The following CHRNA7 variants were observed in gnomAD, a reference collection of about 807,000 sequenced individuals.
CHRNA7 encodes the protein cholinergic receptor nicotinic alpha 7 subunit.
Under a neutral mutation model 48.0 loss-of-function variants are expected in CHRNA7, and 17 were observed. The observed-to-expected ratio is 0.35, with a 90% CI of 0.24 to 0.53. The LOEUF (loss-of-function observed/expected upper bound fraction) is 0.53. Among genes scored for constraint, CHRNA7 ranks in the 20% least tolerant of loss-of-function variants. The pLI is 0.92. For missense variants in CHRNA7, 155 were observed against 577.7 expected, an observed-to-expected ratio of 0.27 and a Z score of 7.50; for synonymous variants, 75 against 242.3, an observed-to-expected ratio of 0.31 and a Z score of 6.41.
chr15:32,153,181 G>A (rs1257440126), intron 4 of CHRNA7, among the ~76,000 whole-genome samples: 4 of 152,258 alleles, frequency 2.6e-5, no homozygotes, highest in Middle Eastern at 6.8e-3. Flanking sequence ...AGCACTTTGG[G>A]AGGCTGAGGC....
intron 2 of CHRNA7, among the ~76,000 whole-genome samples, chr15:32,061,691 C>A (rs193182581): frequency 6.6e-6 from 1 of 152,186 alleles, no homozygotes; most frequent in East Asian, 1.9e-4. Context: ...GCCTGTAGTC[C>A]CAGCTACTGG....
At chr15:32,091,722 G>T (rs2050385289) in intron 2 of CHRNA7, among the ~76,000 whole-genome samples, 1 of 152,096 alleles carries the variant, frequency 6.6e-6, no homozygotes, top group Non-Finnish European at 1.5e-5. Context: ...CATTGTTTAG[G>T]CTCTCTGTGA....
At chr15:32,084,463 C>G (rs984835563) in intron 2 of CHRNA7, among the ~76,000 whole-genome samples, 1 of 152,184 alleles carries the variant, frequency 6.6e-6, no homozygotes, top group Admixed American at 6.5e-5. Context: ...CATACAGTCT[C>G]AGAACATGCA....
At chr15:32,075,616 T>C (rs950376103) in intron 2 of CHRNA7, among the ~76,000 whole-genome samples, 2 of 152,114 alleles carry the variant, frequency 1.3e-5, no homozygotes, top group Non-Finnish European at 2.9e-5. Context: ...GCTAAAGGTT[T>C]TTCAATGTTA....
In CHRNA7 at chr15:32,030,523, G is replaced by A. The variant is rs1186461115; in HGVS notation, c.-72G>A. The A allele has an allele frequency of 1.0e-5, 14 of 1,342,518 alleles. No homozygotes were observed. In the African/African-American group the frequency reaches 2.0e-4, roughly 19 times the overall value. 83.2% of individuals were successfully genotyped at this position (1,342,518 alleles called of 1,614,324 possible). On this transcript the variant is annotated 5_prime_UTR_variant, in exon 1 of 10. Coordinates refer to ENST00000306901, the MANE Select transcript of CHRNA7 (RefSeq NM_000746.6). ...GAGCCGAGCGGCGAGGTGCCTCTGT[G>A]GCCGCAGGCGCAGGCCCGGGCGACA...
intron 2 of CHRNA7, among the ~76,000 whole-genome samples, chr15:32,097,411 G>C (rs532220963): frequency 4.9e-4 from 75 of 152,208 alleles, no homozygotes; most frequent in Non-Finnish European, 8.8e-4. Flanking sequence ...AGTCATGATG[G>C]ATGGTCCCCA....
At chr15:32,134,735 T>A (rs1356045413) in intron 4 of CHRNA7, among the ~76,000 whole-genome samples, 1 of 152,086 alleles carries the variant, frequency 6.6e-6, no homozygotes, top group Non-Finnish European at 1.5e-5. Context: ...TACACTCAAG[T>A]AAGAATTAAA....
intron 2 of CHRNA7, among the ~76,000 whole-genome samples, chr15:32,075,105 A>AT (rs1184490369): frequency 6.6e-6 from 1 of 152,180 alleles, no homozygotes; most frequent in Admixed American, 6.5e-5. Context: ...TTTTGTATAT[A>AT]TTGCTGAATT....
chr15:32,109,330 TTGG>T (rs765597991), intron 3 of CHRNA7, among the ~76,000 whole-genome samples: 1 of 152,166 alleles, frequency 6.6e-6, no homozygotes, highest in Non-Finnish European at 1.5e-5. Flanking sequence ...CATCTTGGTT[TTGG>T]TGGGATTCAG....
At chr15:32,045,388 A>G (rs930526265) in intron 2 of CHRNA7, among the ~76,000 whole-genome samples, 28 of 152,328 alleles carry the variant, frequency 1.8e-4, no homozygotes, top group African/African-American at 5.5e-4. Flanking sequence ...CATGGGTACC[A>G]GCAACCACAC....
At chr15:32,140,091 G>A (rs1469781091) in intron 4 of CHRNA7, among the ~76,000 whole-genome samples, 2 of 135,408 alleles carry the variant, frequency 1.5e-5, no homozygotes, top group South Asian at 5.4e-4. Context: ...CCCCCCGAGA[G>A]GCCCCGGTGT....
chr15:32,058,203 A>C (rs2049818825), intron 2 of CHRNA7, among the ~76,000 whole-genome samples: 1 of 152,128 alleles, frequency 6.6e-6, no homozygotes, highest in Non-Finnish European at 1.5e-5. Flanking sequence ...TTTCCCTCTG[A>C]AACATGCAGG....
chr15:32,047,930 A>G (rs373041754), intron 2 of CHRNA7, among the ~76,000 whole-genome samples: 78 of 152,220 alleles, frequency 5.1e-4, no homozygotes, highest in Non-Finnish European at 9.7e-4. Context: ...TGAGATAATC[A>G]TGTGGTTTTT....
chr15:32,083,010 C>T (rs1297050200), intron 2 of CHRNA7, among the ~76,000 whole-genome samples: 1 of 152,170 alleles, frequency 6.6e-6, no homozygotes, highest in Non-Finnish European at 1.5e-5. Flanking sequence ...GTGGTGCACA[C>T]CTGTAGTCCC....
At chr15:32,114,270 T>C (rs1421541670) in intron 4 of CHRNA7, among the ~76,000 whole-genome samples, 2 of 151,676 alleles carry the variant, frequency 1.3e-5, no homozygotes, top group East Asian at 1.9e-4. Flanking sequence ...AAATGTAAAA[T>C]GTTTGATGAT....
chr15:32,049,923 T>A, intron 2 of CHRNA7, among the ~76,000 whole-genome samples: 1 of 152,164 alleles, frequency 6.6e-6, no homozygotes, highest in East Asian at 1.9e-4. Flanking sequence ...TTTGGCTGGA[T>A]ATGAAATTCT....
intron 2 of CHRNA7, among the ~76,000 whole-genome samples, chr15:32,080,230 G>A (rs1307641497): frequency 1.3e-5 from 2 of 152,106 alleles, no homozygotes; most frequent in Admixed American, 1.3e-4. Flanking sequence ...CATTCAGGAC[G>A]TAGGCATGGG....
At chr15:32,112,478 AC>A (rs374642935) in intron 4 of CHRNA7, 13 of 387,396 alleles carry the variant, frequency 3.4e-5, no homozygotes, top group African/African-American at 2.5e-4. Context: ...ACGTCGGTAA[AC>A]CAAGACAGTC....
chr15:32,058,011 A>G (rs1041406657), intron 2 of CHRNA7, among the ~76,000 whole-genome samples: 2 of 152,218 alleles, frequency 1.3e-5, no homozygotes, highest in African/African-American at 2.4e-5. Context: ...GCATTTTACA[A>G]CTTCAGACTA....
Sources: allele counts gnomAD v4.1 joint callset (sites outside exome capture counted in the v4.1 genomes callset), GRCh38; gene constraint gnomAD v4.1.1; transcripts MANE v1.5; gene names NCBI Gene and HGNC (gene_info 2026-07-23, HGNC 2026-07-21).